XKR4: variants seen among roughly 807,000 people sequenced by gnomAD.
XKR4 encodes the protein XK-related protein 4.
A neutral mutation model predicts 53.9 loss-of-function variants in XKR4; 12 were observed. The ratio of observed to expected loss-of-function variants is 0.22; its 90% CI spans 0.14 to 0.36. The LOEUF is 0.36. Among genes scored for constraint, XKR4 ranks in the 10% least tolerant of loss-of-function variants. XKR4 has a pLI of 1.00. For missense variants in XKR4, 799 were observed against 859.5 expected, an observed-to-expected ratio of 0.93 and a Z score of 0.88; for synonymous variants, 354 against 362.4, an observed-to-expected ratio of 0.98 and a Z score of 0.26.
At chr8:55,159,571 A>G (rs1476275238) in intron 1 of XKR4, among the ~76,000 whole-genome samples, 1 of 152,206 alleles carries the variant, frequency 6.6e-6, no homozygotes, top group Non-Finnish European at 1.5e-5. Flanking sequence ...GAACAGTTTA[A>G]AGGGAATGAT....
intron 1 of XKR4, among the ~76,000 whole-genome samples, chr8:55,271,790 C>T (rs528738678): frequency 4.0e-4 from 61 of 152,318 alleles, no homozygotes; most frequent in South Asian, 8.3e-4. Context: ...TTAATCAATT[C>T]CCAGCCATTT....
At chr8:55,326,373 A>C (rs1246284491) in intron 1 of XKR4, among the ~76,000 whole-genome samples, 1 of 152,070 alleles carries the variant, frequency 6.6e-6, no homozygotes, top group African/African-American at 2.4e-5. Context: ...AAGAGTTTCA[A>C]AGTGCTTATG....
chr8:55,163,172 A>G (rs1585913322), intron 1 of XKR4, among the ~76,000 whole-genome samples: 1 of 152,342 alleles, frequency 6.6e-6, no homozygotes, highest in East Asian at 1.9e-4. Context: ...CTGCTGGGAC[A>G]TCTAAAGCTT....
chr8:55,246,623 A>T (rs768793234), intron 1 of XKR4, among the ~76,000 whole-genome samples: 1 of 152,040 alleles, frequency 6.6e-6, no homozygotes, highest in Non-Finnish European at 1.5e-5. Flanking sequence ...TCAATCTGGG[A>T]TGGATAAAGC....
At chr8:55,147,910 C>T (rs1402169026) in intron 1 of XKR4, among the ~76,000 whole-genome samples, 3 of 152,066 alleles carry the variant, frequency 2.0e-5, no homozygotes, top group Non-Finnish European at 2.9e-5. Context: ...GATGTCTGTT[C>T]TTTATGGATC....
intron 1 of XKR4, among the ~76,000 whole-genome samples, chr8:55,225,785 A>C (rs542394547): frequency 1.9e-4 from 29 of 152,378 alleles, no homozygotes; most frequent in African/African-American, 6.7e-4. Flanking sequence ...AGAGAATTTT[A>C]GAGACAGGCG....
Position 55,525,867 on chromosome 8 carries a change from G to A in XKR4, c.*1640G>A, listed in dbSNP as rs1473134306. 6.6e-6 allele frequency: 1 copy of A among 152,532 alleles called. No homozygotes were observed. Among genetic ancestry groups the A allele is most frequent in the African/African-American group, 2.4e-5 (1 of 41,442 alleles). 9.4% of individuals were successfully genotyped at this position (152,532 alleles called of 1,614,324 possible). ...CCACAAATTCCATCAGCCTGCCTCA[G>A]CAGATTGAAAACATTTGTCTCTTGC... On this transcript the variant is annotated 3_prime_UTR_variant, in exon 3 of 3. Coordinates refer to ENST00000327381, the MANE Select transcript of XKR4 (RefSeq NM_052898.2).
chr8:55,511,400 C>A (rs1287252744), intron 2 of XKR4, among the ~76,000 whole-genome samples: 1 of 152,180 alleles, frequency 6.6e-6, no homozygotes, highest in African/African-American at 2.4e-5. Context: ...GGTCCCAGGA[C>A]CTCAGAAGGG....
intron 2 of XKR4, among the ~76,000 whole-genome samples, chr8:55,520,403 T>C (rs1806781737): frequency 6.6e-6 from 1 of 152,328 alleles, no homozygotes; most frequent in South Asian, 2.1e-4. Context: ...CTGACCAACA[T>C]GGTGAAACCC....
intron 2 of XKR4, among the ~76,000 whole-genome samples, chr8:55,504,633 T>A (rs887319930): frequency 3.3e-5 from 5 of 152,182 alleles, no homozygotes; most frequent in African/African-American, 1.2e-4. Flanking sequence ...GGATTTATGG[T>A]AATTCCTCTT....
intron 1 of XKR4, among the ~76,000 whole-genome samples, chr8:55,186,074 G>A (rs906101825): frequency 1.3e-5 from 2 of 152,152 alleles, no homozygotes; most frequent in Admixed American, 6.5e-5. Flanking sequence ...GTCTAAAACA[G>A]TGTGGTACAG....
chr8:55,392,180 A>T (rs1190829985), intron 2 of XKR4, among the ~76,000 whole-genome samples: 1 of 152,224 alleles, frequency 6.6e-6, no homozygotes, highest in East Asian at 1.9e-4. Context: ...GGAAAAAATG[A>T]CAACCCAACT....
chr8:55,236,334 C>T, intron 1 of XKR4, among the ~76,000 whole-genome samples: 1 of 152,186 alleles, frequency 6.6e-6, no homozygotes, highest in East Asian at 1.9e-4. Context: ...GCCTGGATCT[C>T]CAGTGGTTCC....
At chr8:55,326,494 A>G (rs551860376) in intron 1 of XKR4, among the ~76,000 whole-genome samples, 1 of 135,502 alleles carries the variant, frequency 7.4e-6, no homozygotes, top group African/African-American at 2.9e-5. Context: ...TTTTGGAAAC[A>G]GAGTTTTGCT....
At chr8:55,256,822 T>C (rs1445748462) in intron 1 of XKR4, among the ~76,000 whole-genome samples, 1 of 152,216 alleles carries the variant, frequency 6.6e-6, no homozygotes, top group African/African-American at 2.4e-5. Context: ...GTTGACATGG[T>C]GTCTTAGTCC....
intron 1 of XKR4, among the ~76,000 whole-genome samples, chr8:55,123,758 C>T (rs1442192933): frequency 2.0e-5 from 3 of 152,192 alleles, no homozygotes; most frequent in South Asian, 2.1e-4. Flanking sequence ...GACACCCCCG[C>T]ACCTCCAAGT....
At chr8:55,449,913 G>A (rs1370821599) in intron 2 of XKR4, 2 of 870,356 alleles carry the variant, frequency 2.3e-6, no homozygotes, top group Non-Finnish European at 3.9e-6. Context: ...AGCCAGATGC[G>A]GTCGAGCCTC....
intron 1 of XKR4, among the ~76,000 whole-genome samples, chr8:55,146,022 G>A (rs1399192223): frequency 2.0e-5 from 3 of 152,208 alleles, no homozygotes; most frequent in Non-Finnish European, 4.4e-5. Context: ...AGATGTGAAG[G>A]AAAACTGATG....
intron 1 of XKR4, among the ~76,000 whole-genome samples, chr8:55,321,367 G>A (rs1157239949): frequency 1.3e-5 from 2 of 152,092 alleles, no homozygotes; most frequent in African/African-American, 2.4e-5. Context: ...TGAAAGTGTT[G>A]TCTACACTTA....
Sources: allele counts gnomAD v4.1 joint callset (sites outside exome capture counted in the v4.1 genomes callset), GRCh38; gene constraint gnomAD v4.1.1; transcripts MANE v1.5; gene names NCBI Gene and HGNC (gene_info 2026-07-23, HGNC 2026-07-21).